Variants in TTC23L observed in about 807,000 individuals in gnomAD.
The protein encoded by TTC23L is tetratricopeptide repeat protein 23-like.
In TTC23L, 42 loss-of-function variants were observed where a neutral mutation model predicts 48.1. That is an observed-to-expected ratio of 0.87 (90% CI 0.68 to 1.13). The LOEUF (loss-of-function observed/expected upper bound fraction) is 1.13, where lower values mean the gene tolerates loss of function less well. TTC23L is among the 50% of genes most tolerant of loss of function. TTC23L has a pLI of 0.00. For synonymous variants in TTC23L, 159 were observed against 157.2 expected, an observed-to-expected ratio of 1.01 and a Z score of -0.09; for missense variants, 391 against 421.0, an observed-to-expected ratio of 0.93 and a Z score of 0.62.
chr5:34,886,212 G>A (rs1338418756), intron 9 of TTC23L, among the ~76,000 whole-genome samples: 1 of 151,982 alleles, frequency 6.6e-6, no homozygotes, highest in Admixed American at 6.6e-5. Flanking sequence ...TTAATTACAA[G>A]CTTGGAACTT....
the TTC23L span, among the ~76,000 whole-genome samples, chr5:34,919,452 G>A: frequency 5.3e-5 from 8 of 151,920 alleles, no homozygotes; most frequent in Non-Finnish European, 1.2e-4. Flanking sequence ...TGTTACACGG[G>A]CATAAAGTCA....
At chr5:34,922,840 T>C in the TTC23L span, 1 of 1,413,188 alleles carries the variant, frequency 7.1e-7, no homozygotes, top group Non-Finnish European at 9.9e-7. Flanking sequence ...GATATAGTTG[T>C]GTTATTCAAT....
At chr5:34,915,810 A>C in the TTC23L span, 1 of 1,582,850 alleles carries the variant, frequency 6.3e-7, no homozygotes, top group Non-Finnish European at 8.6e-7. Context: ...GAAACGAAAT[A>C]GATGCGGAGC....
chr5:34,905,035 G>A, the TTC23L span, among the ~76,000 whole-genome samples: 1 of 152,144 alleles, frequency 6.6e-6, no homozygotes, highest in Admixed American at 6.5e-5. Context: ...ATCTCTGGAC[G>A]TGACTGAGAT....
chr5:34,906,817 G>C, the TTC23L span: 1 of 151,924 alleles, frequency 6.6e-6, no homozygotes, highest in Admixed American at 6.6e-5. Context: ...AGTAACAAAA[G>C]ACAAAAAATA....
chr5:34,922,324 T>G, the TTC23L span: 3 of 1,288,682 alleles, frequency 2.3e-6, no homozygotes, highest in Non-Finnish European at 3.3e-6. Context: ...TAAACTCATT[T>G]AAGTGGATTT....
chr5:34,924,373 GT>G, the TTC23L span, among the ~76,000 whole-genome samples: 1 of 152,300 alleles, frequency 6.6e-6, no homozygotes, highest in South Asian at 2.1e-4. Context: ...AATATTTGTT[GT>G]TCGGAAGTTG....
At chr5:34,907,677 A>T in the TTC23L span, 2 of 152,232 alleles carry the variant, frequency 1.3e-5, no homozygotes, top group Admixed American at 6.5e-5. Flanking sequence ...AGTTACTTAC[A>T]GCAAACAGTT....
At chr5:34,880,153 C>A in intron 8 of TTC23L, 28 bp from the exon 9 acceptor site, 1 of 1,596,208 alleles carries the variant, frequency 6.3e-7, no homozygotes, top group Non-Finnish European at 8.5e-7. Flanking sequence ...TAGCAGCTTG[C>A]CTTAAATAAT....
In TTC23L at chr5:34,845,501, AG is replaced by A. The variant is rs1759034357; in HGVS notation, c.84del (p.Ile29SerfsTer32). 1 of 1,613,348 alleles carries A rather than the reference AG, an allele frequency of 6.2e-7. No homozygotes were observed. ...CATACCTACAGGTCACAGCAAACCGAGATCCCAGCTCACCAGCAAACAGATG... is the reference window on the plus strand; with the variant it reads ...CATACCTACAGGTCACAGCAAACCGAATCCCAGCTCACCAGCAAACAGATG... On this transcript the variant is annotated frameshift_variant, in exon 3 of 11. Coordinates refer to ENST00000505624, the Ensembl canonical transcript of TTC23L. LOFTEE classifies it high-confidence loss of function.
the TTC23L span, chr5:34,923,186 G>A: frequency 6.2e-7 from 1 of 1,614,132 alleles, no homozygotes; most frequent in Non-Finnish European, 8.5e-7. Flanking sequence ...TGGACCACGT[G>A]TTTACTTTCA....
chr5:34,844,004 A>G (rs1478133468), intron 2 of TTC23L, among the ~76,000 whole-genome samples: 3 of 152,262 alleles, frequency 2.0e-5, no homozygotes, highest in Non-Finnish European at 4.4e-5. Flanking sequence ...ACAGTGTACT[A>G]GCAGTTTGGG....
chr5:34,896,702 G>A (rs934414456), intron 9 of TTC23L, 68 bp from the exon 10 acceptor site: 5 of 747,662 alleles, frequency 6.7e-6, no homozygotes, highest in Non-Finnish European at 1.2e-5. Context: ...TGCAATGAAA[G>A]GAGAGACAAT....
intron 9 of TTC23L, among the ~76,000 whole-genome samples, chr5:34,885,581 CAATA>C (rs762377103): frequency 5.3e-5 from 8 of 151,884 alleles, no homozygotes; most frequent in Admixed American, 3.3e-4. Context: ...CCCATTTCTA[CAATA>C]AATAAATAAA....
chr5:34,922,825 T>C, the TTC23L span: 1 of 1,467,418 alleles, frequency 6.8e-7, no homozygotes, highest in Non-Finnish European at 9.5e-7. Flanking sequence ...TGGTTGTTTT[T>C]AGTAGATATA....
chr5:34,866,748 A>T, intron 6 of TTC23L, 144 bp from the exon 7 acceptor site: 1 of 686,588 alleles, frequency 1.5e-6, no homozygotes, highest in Non-Finnish European at 2.4e-6. Context: ...GAGTTTATTT[A>T]CAGCAAGGCT....
At chr5:34,915,636 G>A in the TTC23L span, 1 of 1,387,676 alleles carries the variant, frequency 7.2e-7, no homozygotes, top group South Asian at 1.5e-5. Flanking sequence ...CCTGGAGGAC[G>A]ACCGCGGAGC....
chr5:34,904,168 T>C (rs373448355), downstream of TTC23L, among the ~76,000 whole-genome samples: 51 of 151,720 alleles, frequency 3.4e-4, no homozygotes, highest in East Asian at 8.3e-3. Context: ...GGAGTCTTGC[T>C]ATGTTGGCCA....
intron 9 of TTC23L, among the ~76,000 whole-genome samples, chr5:34,894,280 TG>T (rs1763064376): frequency 6.6e-6 from 1 of 152,028 alleles, no homozygotes; most frequent in African/African-American, 2.4e-5. Context: ...TAGCAAACAA[TG>T]GGAAAAAAAT....
Sources: gnomAD v4.1 joint callset for allele counts (sites outside exome capture counted in the v4.1 genomes callset) on GRCh38, gnomAD v4.1.1 for gene constraint, MANE v1.5 for transcripts, NCBI Gene and HGNC (gene_info 2026-07-23, HGNC 2026-07-21) for gene names.